NDUFAF6: variants seen among roughly 807,000 people sequenced by gnomAD.
NDUFAF6 encodes NADH:ubiquinone oxidoreductase complex assembly factor 6, also known as NADH dehydrogenase (ubiquinone) complex I, assembly factor 6.
NDUFAF6 carries 45 observed loss-of-function variants against 40.8 expected under a neutral mutation model. The ratio of observed to expected loss-of-function variants is 1.10; its 90% CI spans 0.87 to 1.42. NDUFAF6 has a LOEUF of 1.42. Ranked by LOEUF, NDUFAF6 falls within the 40% of genes most tolerant of loss-of-function variation. NDUFAF6 has a pLI of 0.00. For missense variants in NDUFAF6, 435 were observed against 418.5 expected (o/e 1.04, Z -0.34); for synonymous variants, 185 against 155.9 (o/e 1.19, Z -1.39).
chr8:95,005,641 G>C (rs1360077081), intron 2 of NDUFAF6, among the ~76,000 whole-genome samples: 1 of 148,214 alleles, frequency 6.7e-6, no homozygotes, highest in Non-Finnish European at 1.5e-5. Flanking sequence ...TTTGTTTTAA[G>C]CACTTGAATA....
At chr8:94,967,177 G>C (rs1824076132) in intron 1 of NDUFAF6, among the ~76,000 whole-genome samples, 1 of 152,220 alleles carries the variant, frequency 6.6e-6, no homozygotes, top group African/African-American at 2.4e-5. Flanking sequence ...TGAAAGCTGA[G>C]ACCAAACTAG....
At chr8:95,073,770 G>A (rs1832948922) in intron 9 of NDUFAF6, among the ~76,000 whole-genome samples, 1 of 152,196 alleles carries the variant, frequency 6.6e-6, no homozygotes, top group South Asian at 2.1e-4. Context: ...AAGCCACGGT[G>A]TGGGGAGCTC....
At chr8:95,090,286 G>A (rs1809205634) in intron 2 of NDUFAF6, among the ~76,000 whole-genome samples, 1 of 152,118 alleles carries the variant, frequency 6.6e-6, no homozygotes, top group African/African-American at 2.4e-5. Context: ...ACATTCCTAG[G>A]CCATTTACCT....
At chr8:94,920,237 C>T (rs1461062323) in intron 1 of NDUFAF6, among the ~76,000 whole-genome samples, 3 of 152,144 alleles carry the variant, frequency 2.0e-5, no homozygotes, top group African/African-American at 7.2e-5. Flanking sequence ...TTGAAAGATC[C>T]TAACTAGGTG....
intron 2 of NDUFAF6, among the ~76,000 whole-genome samples, chr8:95,000,571 A>G (rs900343595): frequency 1.3e-5 from 2 of 152,102 alleles, no homozygotes; most frequent in Admixed American, 1.3e-4. Flanking sequence ...TTTTAATCTA[A>G]AAGTAAAATA....
intron 1 of NDUFAF6, among the ~76,000 whole-genome samples, chr8:94,970,023 G>A (rs1301076407): frequency 4.6e-5 from 7 of 152,126 alleles, no homozygotes; most frequent in African/African-American, 9.7e-5. Flanking sequence ...TTGGGAGGCC[G>A]AGGCAGGCGG....
chr8:94,906,669 G>A (rs1031496651), intron 1 of NDUFAF6, among the ~76,000 whole-genome samples: 40 of 152,236 alleles, frequency 2.6e-4, no homozygotes, highest in Admixed American at 1.9e-3. Flanking sequence ...CTGACACAGA[G>A]CAGAGGGAGT....
chr8:94,919,860 C>T (rs1819381552), intron 1 of NDUFAF6, among the ~76,000 whole-genome samples: 1 of 152,198 alleles, frequency 6.6e-6, no homozygotes, highest in Non-Finnish European at 1.5e-5. Context: ...AGCAAGTTAG[C>T]AACAAGGTCT....
chr8:95,113,115 C>T (rs554820844), intron 4 of NDUFAF6, among the ~76,000 whole-genome samples: 3 of 152,284 alleles, frequency 2.0e-5, no homozygotes, highest in Admixed American at 1.3e-4. Flanking sequence ...AGTGATGTGC[C>T]GGAGGTCACA....
chr8:95,047,308 C>A (rs1012797942), intron 6 of NDUFAF6, among the ~76,000 whole-genome samples, 181 bp downstream of exon 6: 4 of 152,136 alleles, frequency 2.6e-5, no homozygotes, highest in African/African-American at 4.8e-5. Flanking sequence ...GTCCATCAGG[C>A]ATTTTAGGTC....
intron 4 of NDUFAF6, among the ~76,000 whole-genome samples, chr8:95,111,469 G>A (rs933828136): frequency 1.3e-5 from 2 of 152,214 alleles, no homozygotes; most frequent in Admixed American, 6.5e-5. Context: ...GTGGTTCCAA[G>A]AAGCCACATA....
chr8:94,925,566 T>C (rs554408869), intron 1 of NDUFAF6, among the ~76,000 whole-genome samples: 243 of 151,746 alleles, frequency 1.6e-3, no homozygotes, highest in African/African-American at 5.6e-3. Flanking sequence ...TTTTTTTTTT[T>C]TTGAGACAGA....
downstream of NDUFAF6, among the ~76,000 whole-genome samples, chr8:95,059,574 C>T (rs181121029): frequency 1.9e-4 from 29 of 152,190 alleles, no homozygotes; most frequent in Admixed American, 2.6e-4. Flanking sequence ...TGGGGCCGGG[C>T]GTGGTGGCTC....
At chr8:94,952,648 C>A (rs561431648) in intron 2 of NDUFAF6, among the ~76,000 whole-genome samples, 3 of 152,324 alleles carry the variant, frequency 2.0e-5, no homozygotes, top group Admixed American at 2.0e-4. Context: ...GAAATAAAAA[C>A]AGAAAACAGG....
chr8:94,964,792 G>A (rs1823878196), intron 1 of NDUFAF6, among the ~76,000 whole-genome samples: 1 of 152,066 alleles, frequency 6.6e-6, no homozygotes, highest in African/African-American at 2.4e-5. Context: ...CATTGGTGGG[G>A]GTCACATTTT....
At chr8:94,956,766 A>G (rs929764365), upstream of NDUFAF6, among the ~76,000 whole-genome samples, 4 of 152,248 alleles carry the variant, frequency 2.6e-5, no homozygotes, top group South Asian at 8.3e-4. Flanking sequence ...ATGAAGATTT[A>G]TTTTGAAGAT....
chr8:95,058,373 T>C lies in NDUFAF6; in HGVS notation c.*436T>C, dbSNP rs1165188810. The C allele has an allele frequency of 4.9e-6, 6 of 1,234,856 alleles. No homozygotes were observed. In the East Asian group the frequency reaches 1.9e-4, roughly 39 times the overall value. 76.5% of individuals were successfully genotyped at this position (1,234,856 alleles called of 1,614,324 possible). ...GTGTTCAGAACACCTGGAAGATGCA[T>C]TTATTTAGGGGTCACAAATAGTGAA... On this transcript the variant is annotated 3_prime_UTR_variant, in exon 9 of 9. Transcript: ENST00000396124.
chr8:95,106,828 T>C (rs190251411), downstream of NDUFAF6, among the ~76,000 whole-genome samples: 1 of 152,278 alleles, frequency 6.6e-6, no homozygotes, highest in East Asian at 1.9e-4. Flanking sequence ...ACAAAGGATA[T>C]GAACAGACAC....
chr8:95,076,551 G>A (rs969251374), downstream of NDUFAF6, among the ~76,000 whole-genome samples: 2 of 152,180 alleles, frequency 1.3e-5, no homozygotes, highest in East Asian at 3.8e-4. Context: ...CTCACTGTGT[G>A]CCAGTTATGG....
Sources: allele counts gnomAD v4.1 joint callset (sites outside exome capture counted in the v4.1 genomes callset), GRCh38; gene constraint gnomAD v4.1.1; transcripts MANE v1.5; gene names NCBI Gene and HGNC (gene_info 2026-07-23, HGNC 2026-07-21).